Variants in MEIS2 observed in about 807,000 individuals in gnomAD.
MEIS2 encodes Meis homeobox 2, also known as homeobox protein Meis2.
MEIS2 carries 9 observed loss-of-function variants against 58.6 expected under a neutral mutation model. The ratio of observed to expected loss-of-function variants is 0.15; its 90% CI spans 0.09 to 0.27. MEIS2 has a LOEUF of 0.27. Among genes scored for constraint, MEIS2 ranks in the 10% least tolerant of loss-of-function variants. The pLI, the probability that MEIS2 is intolerant of heterozygous loss-of-function variation, is 1.00. For synonymous variants in MEIS2, 221 were observed against 228.4 expected (o/e 0.97, Z 0.29); for missense variants, 427 against 635.0 (o/e 0.67, Z 3.52).
intron 7 of MEIS2, among the ~76,000 whole-genome samples, chr15:37,064,655 C>T (rs1050434236): frequency 2.6e-5 from 4 of 152,094 alleles, no homozygotes; most frequent in East Asian, 1.9e-4. Context: ...TAGACACCAT[C>T]GACATTGTCC....
At chr15:37,042,786 A>G (rs190774679) in intron 7 of MEIS2, among the ~76,000 whole-genome samples, 2 of 152,262 alleles carry the variant, frequency 1.3e-5, no homozygotes, top group Admixed American at 6.5e-5. Flanking sequence ...AGCTTTAATT[A>G]TATTTGAGAC....
intron 7 of MEIS2, among the ~76,000 whole-genome samples, chr15:37,080,504 A>G (rs761415833): frequency 4.5e-4 from 69 of 152,302 alleles, no homozygotes; most frequent in South Asian, 1.0e-3. Context: ...TCTAGGAACA[A>G]GGGGCTGCTT....
chr15:36,961,431 A>G (rs113403990), intron 8 of MEIS2, among the ~76,000 whole-genome samples: 2,823 of 152,242 alleles, frequency 0.019, 41 homozygotes, highest in Middle Eastern at 0.041. Context: ...AAATACTAAA[A>G]TATCAAACCA....
At chr15:37,024,543 C>A (rs1441968886) in intron 8 of MEIS2, among the ~76,000 whole-genome samples, 1 of 152,192 alleles carries the variant, frequency 6.6e-6, no homozygotes, top group Non-Finnish European at 1.5e-5. Context: ...CCTTTAGAAG[C>A]TTTCCTCACT....
chr15:36,938,585 C>T (rs2058260766), intron 9 of MEIS2, among the ~76,000 whole-genome samples: 1 of 152,210 alleles, frequency 6.6e-6, no homozygotes, highest in Non-Finnish European at 1.5e-5. Flanking sequence ...GATTCAGGTT[C>T]TGTGTAAGTC....
intron 8 of MEIS2, among the ~76,000 whole-genome samples, chr15:37,022,540 C>A (rs1277149074): frequency 6.6e-6 from 1 of 151,364 alleles, no homozygotes; most frequent in Non-Finnish European, 1.5e-5. Flanking sequence ...TGAGCCACCA[C>A]ACCAGGCCAA....
intron 6 of MEIS2, among the ~76,000 whole-genome samples, chr15:37,087,934 T>C (rs960119216): frequency 2.0e-5 from 3 of 152,148 alleles, no homozygotes; most frequent in Admixed American, 2.0e-4. Context: ...GTAAAATGTA[T>C]GAGGCTTCAA....
intron 8 of MEIS2, among the ~76,000 whole-genome samples, chr15:36,962,580 A>T (rs907392336): frequency 1.3e-5 from 2 of 149,928 alleles, no homozygotes; most frequent in Non-Finnish European, 3.0e-5. Flanking sequence ...CTTTTTTTTC[A>T]TGAGTATTTT....
At chr15:37,030,033 AT>A (rs1424766214) in intron 8 of MEIS2, among the ~76,000 whole-genome samples, 1 of 152,166 alleles carries the variant, frequency 6.6e-6, no homozygotes, top group Non-Finnish European at 1.5e-5. Context: ...AATAAAAACC[AT>A]AACATGCTGT....
intron 8 of MEIS2, among the ~76,000 whole-genome samples, chr15:37,007,327 A>G (rs2060958302): frequency 6.6e-6 from 1 of 152,172 alleles, no homozygotes; most frequent in Non-Finnish European, 1.5e-5. Context: ...CCAGGGGTTC[A>G]AGACCAGTCT....
At chr15:36,899,686 C>G (rs1349620317) in intron 9 of MEIS2, among the ~76,000 whole-genome samples, 5 of 152,132 alleles carry the variant, frequency 3.3e-5, no homozygotes, top group Non-Finnish European at 7.4e-5. Flanking sequence ...TTTCAAGGTT[C>G]AGGCTCCATT....
chr15:36,970,708 T>C (rs888662151), intron 8 of MEIS2, among the ~76,000 whole-genome samples: 5 of 152,150 alleles, frequency 3.3e-5, no homozygotes, highest in African/African-American at 1.2e-4. Flanking sequence ...CTGTAACCAG[T>C]TGGCAAGTTC....
At chr15:37,083,706 T>A in intron 7 of MEIS2, 65 bp downstream of exon 7, 1 of 1,347,740 alleles carries the variant, frequency 7.4e-7, no homozygotes, top group Non-Finnish European at 1.1e-6. Flanking sequence ...TGTACTGATA[T>A]CATAAAATAC....
chr15:37,045,879 C>T (rs963425027), intron 7 of MEIS2, among the ~76,000 whole-genome samples: 5 of 152,062 alleles, frequency 3.3e-5, no homozygotes, highest in Non-Finnish European at 4.4e-5. Context: ...GGACAGTGAC[C>T]CAGGCCACCT....
intron 7 of MEIS2, among the ~76,000 whole-genome samples, chr15:37,081,924 C>G (rs1050021057): frequency 6.6e-6 from 1 of 152,178 alleles, no homozygotes; most frequent in African/African-American, 2.4e-5. Flanking sequence ...ACAAAACTAA[C>G]TAACCGAAAC....
At chr15:36,962,829 TG>T (rs2141434715) in intron 8 of MEIS2, among the ~76,000 whole-genome samples, 1 of 152,372 alleles carries the variant, frequency 6.6e-6, no homozygotes, top group South Asian at 2.1e-4. Flanking sequence ...GATTGCCACA[TG>T]GCAAGAAATA....
chr15:37,015,372 C>G (rs1206314360), intron 8 of MEIS2, among the ~76,000 whole-genome samples: 1 of 152,132 alleles, frequency 6.6e-6, no homozygotes, highest in Non-Finnish European at 1.5e-5. Context: ...AAATAATGAA[C>G]ATTAAGGGGA....
intron 7 of MEIS2, among the ~76,000 whole-genome samples, chr15:37,063,703 G>C (rs891223320): frequency 3.9e-5 from 6 of 152,096 alleles, no homozygotes; most frequent in African/African-American, 1.4e-4. Context: ...TAATCAAATA[G>C]AACTGAGTCT....
At chr15:36,964,251 C>A (rs565494804) in intron 8 of MEIS2, among the ~76,000 whole-genome samples, 235 of 152,324 alleles carry the variant, frequency 1.5e-3, no homozygotes, top group African/African-American at 5.4e-3. Flanking sequence ...TGGATTTTCT[C>A]TTCTGTGTTC....
Sources: allele counts gnomAD v4.1 joint callset (sites outside exome capture counted in the v4.1 genomes callset), GRCh38; gene constraint gnomAD v4.1.1; transcripts MANE v1.5; gene names NCBI Gene and HGNC (gene_info 2026-07-23, HGNC 2026-07-21).